ASTN2: variants seen among roughly 807,000 people sequenced by gnomAD.
ASTN2 encodes astrotactin 2.
ASTN2 carries 54 observed loss-of-function variants against 139.8 expected under a neutral mutation model. The observed-to-expected ratio is 0.39, with a 90% CI of 0.31 to 0.48. ASTN2 has a LOEUF of 0.48. Ranked by LOEUF, ASTN2 falls within the 20% of genes least tolerant of loss-of-function variation. ASTN2 has a pLI of 0.95. For missense variants in ASTN2, 1,565 were observed against 1,725.1 expected (o/e 0.91, Z 1.64); for synonymous variants, 756 against 719.5 (o/e 1.05, Z -0.81).
At chr9:117,179,341 ATG>A (rs540638383) in intron 3 of ASTN2, among the ~76,000 whole-genome samples, 4 of 151,944 alleles carry the variant, frequency 2.6e-5, no homozygotes, top group Non-Finnish European at 5.9e-5. Flanking sequence ...GGGGATATAT[ATG>A]TGTGTGTGTG....
chr9:117,043,052 G>T (rs1330033298), intron 5 of ASTN2, among the ~76,000 whole-genome samples: 1 of 152,128 alleles, frequency 6.6e-6, no homozygotes, highest in African/African-American at 2.4e-5. Context: ...TGTATTTTTA[G>T]TAGAGACAGT....
chr9:117,174,896 T>C (rs1830879565), intron 3 of ASTN2, among the ~76,000 whole-genome samples: 1 of 152,204 alleles, frequency 6.6e-6, no homozygotes, highest in East Asian at 1.9e-4. Flanking sequence ...TTTAGTTTTA[T>C]TTTCTTTAAA....
At chr9:116,764,658 C>T (rs1829759483) in intron 13 of ASTN2, among the ~76,000 whole-genome samples, 1 of 152,144 alleles carries the variant, frequency 6.6e-6, no homozygotes, top group Admixed American at 6.5e-5. Context: ...TAAAGTCATT[C>T]ATTCATTTAC....
intron 2 of ASTN2, among the ~76,000 whole-genome samples, chr9:117,271,387 G>A (rs527359062): frequency 6.6e-6 from 1 of 152,250 alleles, no homozygotes; most frequent in African/African-American, 2.4e-5. Context: ...GGGAATTCTG[G>A]GAGATACAAT....
intron 16 of ASTN2, among the ~76,000 whole-genome samples, chr9:116,721,188 G>A (rs751898011): frequency 2.6e-5 from 4 of 152,136 alleles, no homozygotes; most frequent in African/African-American, 4.8e-5. Context: ...TTTTGCATAT[G>A]GAAAAACTGA....
At chr9:117,290,626 G>T (rs532646640) in intron 2 of ASTN2, among the ~76,000 whole-genome samples, 2 of 152,162 alleles carry the variant, frequency 1.3e-5, no homozygotes. Context: ...CTTAACAAAT[G>T]GTAGATACTC....
chr9:116,742,051 G>A (rs1310470724), intron 13 of ASTN2, among the ~76,000 whole-genome samples: 2 of 152,216 alleles, frequency 1.3e-5, no homozygotes, highest in Non-Finnish European at 2.9e-5. Context: ...AGGCTGATAG[G>A]AGACGCACAT....
chr9:116,786,385 T>G (rs973782970), intron 13 of ASTN2, among the ~76,000 whole-genome samples: 8 of 152,192 alleles, frequency 5.3e-5, no homozygotes, highest in Non-Finnish European at 1.0e-4. Flanking sequence ...TTTTATATAT[T>G]TTGTTCACTA....
intron 17 of ASTN2, among the ~76,000 whole-genome samples, chr9:116,646,575 G>T (rs1463744144): frequency 1.3e-5 from 2 of 152,080 alleles, no homozygotes; most frequent in Non-Finnish European, 2.9e-5. Context: ...GACCTGCAGT[G>T]GGTCTATCCC....
At chr9:116,914,886 A>G (rs573443984) in intron 10 of ASTN2, among the ~76,000 whole-genome samples, 42 of 152,288 alleles carry the variant, frequency 2.8e-4, no homozygotes, top group Non-Finnish European at 4.4e-4. Flanking sequence ...CTCTGTGAGA[A>G]GCAATCACCA....
At chr9:117,121,998 A>G (rs563342196) in intron 4 of ASTN2, among the ~76,000 whole-genome samples, 1 of 152,272 alleles carries the variant, frequency 6.6e-6, no homozygotes, top group African/African-American at 2.4e-5. Context: ...ATATAATTTG[A>G]CATGGGATTT....
intron 13 of ASTN2, among the ~76,000 whole-genome samples, chr9:116,771,158 G>A (rs1296151762): frequency 6.6e-6 from 1 of 152,118 alleles, no homozygotes; most frequent in Non-Finnish European, 1.5e-5. Context: ...CAGGTAGTCT[G>A]GCTACATCAG....
intron 11 of ASTN2, among the ~76,000 whole-genome samples, chr9:116,849,892 T>C (rs930993079): frequency 6.6e-6 from 1 of 152,202 alleles, no homozygotes; most frequent in African/African-American, 2.4e-5. Flanking sequence ...GCAGCAACCA[T>C]TGAGCATATG....
chr9:116,957,281 A>G (rs1047844440), intron 10 of ASTN2, among the ~76,000 whole-genome samples: 3 of 152,014 alleles, frequency 2.0e-5, no homozygotes, highest in African/African-American at 7.2e-5. Flanking sequence ...ACATACACAC[A>G]CTTTTTTCTT....
intron 10 of ASTN2, among the ~76,000 whole-genome samples, chr9:116,971,498 A>G (rs780475952): frequency 9.2e-5 from 14 of 152,184 alleles, no homozygotes; most frequent in Non-Finnish European, 1.5e-4. Context: ...TTTACCACAC[A>G]TGTGACTCTT....
intron 3 of ASTN2, among the ~76,000 whole-genome samples, chr9:117,213,347 A>T (rs914310553): frequency 1.3e-5 from 2 of 152,210 alleles, no homozygotes; most frequent in African/African-American, 2.4e-5. Context: ...TAAAGGAAAT[A>T]AAATTACAGC....
At chr9:116,530,808 A>G (rs1481478740) in intron 19 of ASTN2, among the ~76,000 whole-genome samples, 1 of 152,146 alleles carries the variant, frequency 6.6e-6, no homozygotes, top group Non-Finnish European at 1.5e-5. Flanking sequence ...AGCACCTCTC[A>G]TGATTTGAAT....
At chr9:117,187,531 A>G (rs1480953537) in intron 3 of ASTN2, among the ~76,000 whole-genome samples, 2 of 152,150 alleles carry the variant, frequency 1.3e-5, no homozygotes, top group Non-Finnish European at 2.9e-5. Flanking sequence ...AGGTTAATCC[A>G]CTCATGCATT....
At chr9:117,102,233 G>C (rs1828996106) in intron 4 of ASTN2, among the ~76,000 whole-genome samples, 2 of 152,200 alleles carry the variant, frequency 1.3e-5, no homozygotes, top group Admixed American at 1.3e-4. Flanking sequence ...CTACAATGTG[G>C]ATGAATGTTG....
Sources: allele counts gnomAD v4.1 joint callset (sites outside exome capture counted in the v4.1 genomes callset), GRCh38; gene constraint gnomAD v4.1.1; transcripts MANE v1.5; gene names NCBI Gene and HGNC (gene_info 2026-07-23, HGNC 2026-07-21).